The following DHCR24 variants were observed in gnomAD, a reference collection of about 807,000 sequenced individuals.
DHCR24 encodes 24-dehydrocholesterol reductase, also known as delta(24)-sterol reductase.
In DHCR24, 28 loss-of-function variants were observed where a neutral mutation model predicts 61.2. The observed-to-expected ratio is 0.46, with a 90% CI of 0.34 to 0.63. The LOEUF (loss-of-function observed/expected upper bound fraction) is 0.63, where lower values mean the gene tolerates loss of function less well. DHCR24 is among the 20% of genes least tolerant of loss of function. The pLI, the probability that DHCR24 is intolerant of heterozygous loss-of-function variation, is 0.01. For synonymous variants in DHCR24, 261 were observed against 275.9 expected (o/e 0.95, Z 0.54); for missense variants, 538 against 679.1 (o/e 0.79, Z 2.31).
intron 6 of DHCR24, among the ~76,000 whole-genome samples, chr1:54,862,079 G>A (rs1646941156): frequency 6.6e-6 from 1 of 152,010 alleles, no homozygotes; most frequent in Admixed American, 6.6e-5. Flanking sequence ...GAGCTCAGGA[G>A]CCACTCCACT....
rs541123708 is a variant in DHCR24, at chr1:54,857,286, G to A, written c.1021-3052C>T. On this transcript the variant is annotated intron_variant, in intron 6 of 8. Transcript: ENST00000371269. ...TGTTCTCTGGCCATCCTTGCTCACTGGCTGTAGGGCCCCATGGCAAATCTA... is the reference window on the plus strand; with the variant it reads ...TGTTCTCTGGCCATCCTTGCTCACTAGCTGTAGGGCCCCATGGCAAATCTA... Among the ~76,000 whole-genome samples the A allele has an allele frequency of 4.6e-5, 7 of 152,334 alleles. No homozygotes were observed. In the South Asian group the frequency reaches 1.4e-3, roughly 32 times the overall value.
chr1:54,853,832 T>A (rs1395901297), intron 7 of DHCR24, among the ~76,000 whole-genome samples: 1 of 152,016 alleles, frequency 6.6e-6, no homozygotes, highest in East Asian at 1.9e-4. Flanking sequence ...GAGTGCTCGA[T>A]GCCAGACCCT....
chr1:54,886,712 T>G, intron 1 of DHCR24, 177 bp downstream of exon 1: 2 of 1,437,180 alleles, frequency 1.4e-6, no homozygotes, highest in Middle Eastern at 1.8e-4. Flanking sequence ...CCTGTTCTGT[T>G]CCCCCGCCCC....
At chr1:54,854,402 A>G (rs1646895681) in intron 6 of DHCR24, among the ~76,000 whole-genome samples, 168 bp from the exon 7 acceptor site, 1 of 152,188 alleles carries the variant, frequency 6.6e-6, no homozygotes, top group African/African-American at 2.4e-5. Flanking sequence ...TTACCAGTCC[A>G]ATCTAGGTTT....
At chr1:54,870,426 G>T (rs992842950) in intron 5 of DHCR24, among the ~76,000 whole-genome samples, 41 of 152,230 alleles carry the variant, frequency 2.7e-4, no homozygotes, top group African/African-American at 9.6e-4. Flanking sequence ...AAATACAGTT[G>T]TCTCTCAGTA....
At chr1:54,852,511 G>A (rs989582810) in intron 8 of DHCR24, 125 bp from the exon 9 acceptor site, 26 of 1,055,518 alleles carry the variant, frequency 2.5e-5, no homozygotes, top group Admixed American at 1.1e-4. Flanking sequence ...GTTTAACCCC[G>A]TTAACCTGGT....
In DHCR24 at chr1:54,887,126, G is replaced by T; in HGVS notation, c.-7C>A. 2 of 1,563,974 alleles carry T rather than the reference G, an allele frequency of 1.3e-6. No individual in the cohort carries two copies. Among genetic ancestry groups the T allele is most frequent in the Non-Finnish European group, 1.7e-6 (2 of 1,155,644 alleles). On this transcript the variant is annotated 5_prime_UTR_variant, in exon 1 of 9. Transcript: ENST00000371269. ...GCGACACGGCGGGCTCCATGGTGCG[G>T]CGCCGCGCGGTAAGCGCTGCGGGTT...
intron 6 of DHCR24, among the ~76,000 whole-genome samples, chr1:54,864,969 C>T (rs970112828): frequency 3.3e-5 from 5 of 152,214 alleles, no homozygotes; most frequent in Admixed American, 1.3e-4. Context: ...AATGTTCCTG[C>T]GGCCCTTTAC....
Position 54,852,085 on chromosome 1 carries a change from C to G in DHCR24, c.*148G>C, listed in dbSNP as rs776118027. The stretch of plus-strand genomic sequence containing the variant: ...ATTCCACTGGGCTGCCCCCTGGAAG[C>G]CAGGAGGAAGGTGGTGTTGGGCTGT... On this transcript the variant is annotated 3_prime_UTR_variant, in exon 9 of 9. Coordinates refer to ENST00000371269, the MANE Select transcript of DHCR24 (RefSeq NM_014762.4). 1 of 916,698 alleles carries G rather than the reference C, an allele frequency of 1.1e-6. No homozygotes were observed. The highest frequency in any genetic ancestry group is 1.6e-6 in the Non-Finnish European group (1 of 607,634). The allele number at this position is 916,698 out of a possible 1,614,324, so 56.8% of individuals were successfully genotyped here. A position where few individuals can be genotyped will look rare whatever the true frequency, so the allele number is the denominator to read the frequency against.
chr1:54,873,968 CA>C (rs34608868), intron 4 of DHCR24, among the ~76,000 whole-genome samples: 2 of 151,750 alleles, frequency 1.3e-5, no homozygotes, highest in African/African-American at 4.8e-5. Context: ...AAGTTTTTAA[CA>C]AAAAAACTTT....
At chr1:54,865,594 T>C in intron 5 of DHCR24, 148 bp from the exon 6 acceptor site, 1 of 1,110,404 alleles carries the variant, frequency 9.0e-7, no homozygotes, top group Non-Finnish European at 1.3e-6. Context: ...TCTTGAAAGC[T>C]GGTGAGGTTA....
rs529769679 is a variant in DHCR24 at position 54,867,675 on chromosome 1, T to C, written c.877-2229A>G. On this transcript the variant is annotated intron_variant, in intron 5 of 8. Transcript: ENST00000371269. ...CCCCTTGGTCCCATCCCTCCTCAGCTTTCCTACCCCTGAGAGCCTCAAGGG... is the reference window on the plus strand; with the variant it reads ...CCCCTTGGTCCCATCCCTCCTCAGCCTTCCTACCCCTGAGAGCCTCAAGGG... 2.6e-4 allele frequency among the ~76,000 whole-genome samples: 39 copies of C among 152,258 alleles called. 1 individual carries two copies. Among genetic ancestry groups the C allele is most frequent in the African/African-American group, 8.7e-4 (36 of 41,554 alleles).
chr1:54,870,789 G>A (rs1291713801), intron 5 of DHCR24, among the ~76,000 whole-genome samples: 1 of 152,198 alleles, frequency 6.6e-6, no homozygotes, highest in African/African-American at 2.4e-5. Flanking sequence ...ATTTACAGGT[G>A]GAGTCTTTTC....
At chr1:54,864,899 C>T (rs1276720681) in intron 6 of DHCR24, among the ~76,000 whole-genome samples, 1 of 152,188 alleles carries the variant, frequency 6.6e-6, no homozygotes, top group Non-Finnish European at 1.5e-5. Context: ...TCTCACTCAC[C>T]TTTCACAGCC....
intron 2 of DHCR24, among the ~76,000 whole-genome samples, chr1:54,882,567 C>T (rs1647069277): frequency 6.6e-6 from 1 of 152,134 alleles, no homozygotes; most frequent in Admixed American, 6.5e-5. Flanking sequence ...TTGTAATTGC[C>T]CCAAACTGGA....
At chr1:54,855,547 T>C (rs1039667891) in intron 6 of DHCR24, among the ~76,000 whole-genome samples, 47 of 152,108 alleles carry the variant, frequency 3.1e-4, no homozygotes, top group Non-Finnish European at 5.9e-4. Flanking sequence ...TGGATGAGTG[T>C]GGGAAGAGTG....
At position 54,887,103 on chromosome 1, in the gene DHCR24, G is replaced by A. The variant is rs763923257; in HGVS notation, c.17C>T (p.Ser6Leu). 4.4e-6 allele frequency: 7 copies of A among 1,589,996 alleles called. No individual in the cohort carries two copies. In the East Asian group the frequency reaches 1.6e-4, roughly 36 times the overall value. Residue 6 changes from serine (S) to leucine (L), a missense_variant, in exon 1 of 9, where the codon TCG becomes TTG. Ser to Leu is a moderately radical substitution (Grantham distance 145, BLOSUM62 -2). Coordinates refer to ENST00000371269, the MANE Select transcript of DHCR24 (RefSeq NM_014762.4). ...GAAGAGCAGCGCGCACACGGCCAGCGACACGGCGGGCTCCATGGTGCGGCG... is the reference window on the plus strand; with the variant it reads ...GAAGAGCAGCGCGCACACGGCCAGCAACACGGCGGGCTCCATGGTGCGGCG... Reference protein sequence around the residue: MEPAVSLAVCALLFLL... With the variant: MEPAVLLAVCALLFLL...
chr1:54,884,395 G>A (rs896089577), intron 1 of DHCR24, among the ~76,000 whole-genome samples: 1 of 152,160 alleles, frequency 6.6e-6, no homozygotes, highest in African/African-American at 2.4e-5. Context: ...ATTTGTATAT[G>A]TTAACTCATG....
At position 54,871,554 on chromosome 1, in the gene DHCR24, C is replaced by G; in HGVS notation, c.672G>C (p.Leu224=). The stretch of plus-strand genomic sequence containing the variant: ...GGATGATGCGGATCTCAGCGGCCAC[C>G]AGGAAACCCAGCGTCCCACAGGACC... ...VPWSCGTLGF[L]VAAEIRIIPA... The change falls in exon 5 of 9, where the codon CTG becomes CTC. Residue 224 remains leucine, a synonymous_variant. Coordinates refer to ENST00000371269, the MANE Select transcript of DHCR24 (RefSeq NM_014762.4). 1 of 1,614,200 alleles carries G rather than the reference C, an allele frequency of 6.2e-7. No individual in the cohort carries two copies. The highest frequency in any genetic ancestry group is 8.5e-7 in the Non-Finnish European group (1 of 1,180,028).
Sources: gnomAD v4.1 joint callset for allele counts (sites outside exome capture counted in the v4.1 genomes callset) on GRCh38, gnomAD v4.1.1 for gene constraint, MANE v1.5 for transcripts, NCBI Gene and HGNC (gene_info 2026-07-23, HGNC 2026-07-21) for gene names.